DDC: variants seen among roughly 807,000 people sequenced by gnomAD.
DDC encodes aromatic-L-amino-acid decarboxylase.
Under a neutral mutation model 60.0 loss-of-function variants are expected in DDC, and 43 were observed. The ratio of observed to expected loss-of-function variants is 0.72; its 90% CI spans 0.56 to 0.92. DDC has a LOEUF of 0.92. Among genes scored for constraint, DDC ranks in the 40% least tolerant of loss-of-function variants. The probability of loss-of-function intolerance (pLI) is 0.00; values close to 1 mark genes in which losing one functional copy is unlikely to be tolerated. For missense variants in DDC, 573 were observed against 620.2 expected (o/e 0.92, Z 0.81); for synonymous variants, 232 against 234.6 (o/e 0.99, Z 0.10).
chr7:50,553,336 G>A (rs928979616), intron 1 of DDC, among the ~76,000 whole-genome samples: 1 of 152,144 alleles, frequency 6.6e-6, no homozygotes, highest in Non-Finnish European at 1.5e-5. Context: ...CATAGTTTAT[G>A]TCTCAGAAAA....
chr7:50,487,581 T>A (rs563238677), intron 9 of DDC, among the ~76,000 whole-genome samples: 2 of 152,228 alleles, frequency 1.3e-5, no homozygotes, highest in East Asian at 3.9e-4. Flanking sequence ...AGCTATAGGA[T>A]CTTTATTTGC....
chr7:50,537,455 G>A (rs1366821175), intron 4 of DDC, among the ~76,000 whole-genome samples: 1 of 152,186 alleles, frequency 6.6e-6, no homozygotes, highest in Non-Finnish European at 1.5e-5. Context: ...TGTAAAAAGG[G>A]GTACTAAAAT....
intron 1 of DDC, among the ~76,000 whole-genome samples, chr7:50,548,509 C>T (rs1230395793): frequency 6.6e-6 from 1 of 152,206 alleles, no homozygotes; most frequent in African/African-American, 2.4e-5. Context: ...AAACCAGCCA[C>T]AACATTTCCT....
intron 5 of DDC, among the ~76,000 whole-genome samples, chr7:50,528,823 A>G (rs995759173): frequency 6.6e-6 from 1 of 152,078 alleles, no homozygotes; most frequent in Non-Finnish European, 1.5e-5. Flanking sequence ...CCCCACCGCC[A>G]CTGTCTCCTG....
At position 50,470,110 on chromosome 7, in the gene DDC, A is replaced by T; in HGVS notation, c.1103T>A (p.Met368Lys). Residue 368 changes from methionine to lysine, a missense_variant, in exon 12 of 15, where the codon ATG becomes AAG. Transcript: ENST00000444124. ...AGCCTGCAGTCCTTTGACTCCATACATCCTAAATACAAACCACATTTTCAA... is the reference window on the plus strand; with the variant it reads ...AGCCTGCAGTCCTTTGACTCCATACTTCCTAAATACAAACCACATTTTCAA... Reference protein sequence around the residue: ...RSLKMWFVFRMYGVKGLQAYI... With the variant: ...RSLKMWFVFRKYGVKGLQAYI... 6.2e-7 allele frequency: 1 copy of T among 1,613,734 alleles called. No individual in the cohort carries two copies. The highest frequency in any genetic ancestry group is 8.5e-7 in the Non-Finnish European group (1 of 1,179,618).
At chr7:50,480,092 C>G in intron 9 of DDC, 1 of 563,380 alleles carries the variant, frequency 1.8e-6, no homozygotes, top group South Asian at 2.0e-5. Context: ...CTCCTAAAAC[C>G]CTTGAGATCT....
intron 9 of DDC, among the ~76,000 whole-genome samples, chr7:50,480,224 A>G (rs2329367): frequency 0.095 from 14,419 of 152,008 alleles, 1,055 homozygotes; most frequent in South Asian, 0.12. Flanking sequence ...GATTTAAGCA[A>G]TCATCCCTAC....
intron 9 of DDC, among the ~76,000 whole-genome samples, chr7:50,495,052 G>T (rs1216466462): frequency 6.6e-6 from 1 of 152,168 alleles, no homozygotes; most frequent in Non-Finnish European, 1.5e-5. Flanking sequence ...GAAAACACAA[G>T]CTACTGAATT....
intron 1 of DDC, among the ~76,000 whole-genome samples, chr7:50,547,026 TG>T (rs912428699): frequency 3.3e-5 from 5 of 152,140 alleles, no homozygotes; most frequent in Admixed American, 3.3e-4. Context: ...TTGAAGTGAC[TG>T]TTTTTTTTTA....
chr7:50,558,614 G>T lies in DDC; in HGVS notation c.-29+6671C>A, dbSNP rs943862565. The stretch of plus-strand genomic sequence containing the variant: ...TCTCACTGAACACGCTCACAACACT[G>T]CCAGGCCAGTAGAGTTATTGCTGTT... On this transcript the variant is annotated intron_variant, in intron 1 of 14. Transcript: ENST00000444124. Among the ~76,000 whole-genome samples the T allele has an allele frequency of 3.3e-5, 5 of 152,182 alleles. No individual in the cohort carries two copies. The South Asian group carries it at 6.2e-4, about 19-fold the overall frequency.
At chr7:50,506,704 C>A (rs1437967822) in intron 6 of DDC, among the ~76,000 whole-genome samples, 1 of 152,258 alleles carries the variant, frequency 6.6e-6, no homozygotes, top group Non-Finnish European at 1.5e-5. Flanking sequence ...GGAGGCCCAA[C>A]TCCATGTCAC....
At chr7:50,551,229 CTTT>C (rs58446864) in intron 1 of DDC, among the ~76,000 whole-genome samples, 15,696 of 132,798 alleles carry the variant, frequency 0.12, 911 homozygotes, top group South Asian at 0.15. Flanking sequence ...TTCCGTTGTA[CTTT>C]TTTTTTTTTT....
intron 4 of DDC, among the ~76,000 whole-genome samples, chr7:50,533,574 C>T (rs1170799401): frequency 2.6e-5 from 4 of 152,096 alleles, no homozygotes; most frequent in African/African-American, 4.8e-5. Flanking sequence ...GGATTACAGG[C>T]GTGAGCCACC....
At chr7:50,461,522 G>A (rs1562975954) in intron 14 of DDC, among the ~76,000 whole-genome samples, 3 of 152,134 alleles carry the variant, frequency 2.0e-5, no homozygotes, top group Admixed American at 2.0e-4. Context: ...ACTCCTATCG[G>A]AAACACACCT....
At position 50,493,096 on chromosome 7, in the gene DDC, C is replaced by T. The variant is rs529871844; in HGVS notation, c.944+2254G>A. ...TAGGGACCCAAAATATTTCTGGTCC[C>T]TGACCGCTTCAGTTTCCTCATCTGT... On this transcript the variant is annotated intron_variant, in intron 9 of 14. Transcript: ENST00000444124. 8.9e-5 allele frequency: 94 copies of T among 1,053,328 alleles called. No individual in the cohort carries two copies. The African/African-American group carries it at 1.1e-3, about 12-fold the overall frequency. 65.2% of individuals were successfully genotyped at this position (1,053,328 alleles called of 1,614,324 possible). A position where few individuals can be genotyped will look rare whatever the true frequency, so the allele number is the denominator to read the frequency against.
intron 6 of DDC, among the ~76,000 whole-genome samples, chr7:50,504,630 T>C (rs2043343100): frequency 6.6e-6 from 1 of 151,924 alleles, no homozygotes; most frequent in Non-Finnish European, 1.5e-5. Context: ...TATACATATA[T>C]AGAGAATGTA....
rs2044092842 is a variant in DDC, at chr7:50,528,150, A to AG, written c.700dup (p.Leu234ProfsTer19). The AG allele has an allele frequency of 6.2e-7, 1 of 1,612,966 alleles. No homozygotes were observed. Among genetic ancestry groups the AG allele is most frequent in the Non-Finnish European group, 8.5e-7 (1 of 1,180,020 alleles). On this transcript the variant is annotated frameshift_variant, in exon 6 of 15. Transcript: ENST00000444124. LOFTEE classifies it high-confidence loss of function. ...TGCCGAACTTACAAAGAAAGGAATCAGGCCAGCCGCTTTGTCTCTCTCCAG... is the reference window on the plus strand; with the variant it reads ...TGCCGAACTTACAAAGAAAGGAATCAGGGCCAGCCGCTTTGTCTCTCTCCAG...
At position 50,463,216 on chromosome 7, in the gene DDC, CA is replaced by C; in HGVS notation, c.*14del. ...AAATGAGCCCAGGGCAGCCTACCTG[CA>C]GCTGGCTTCACTCCTACTCCCTCTC... is the stretch of plus-strand genomic sequence containing the variant. On this transcript the variant is annotated 3_prime_UTR_variant, in exon 14 of 15. Coordinates refer to ENST00000444124, the MANE Select transcript of DDC (RefSeq NM_001082971.2). 1 of 1,599,658 alleles carries C rather than the reference CA, an allele frequency of 6.3e-7. No individual in the cohort carries two copies. The highest frequency in any genetic ancestry group is 1.7e-5 in the Admixed American group (1 of 57,882).
At chr7:50,480,799 C>T (rs1205649771) in intron 9 of DDC, among the ~76,000 whole-genome samples, 1 of 152,124 alleles carries the variant, frequency 6.6e-6, no homozygotes, top group African/African-American at 2.4e-5. Context: ...GTGAAAATCC[C>T]AAGGGCTAAT....
Sources: gnomAD v4.1 joint callset for allele counts (sites outside exome capture counted in the v4.1 genomes callset) on GRCh38, gnomAD v4.1.1 for gene constraint, MANE v1.5 for transcripts, NCBI Gene and HGNC (gene_info 2026-07-23, HGNC 2026-07-21) for gene names.